PARD3B: variants seen among roughly 807,000 people sequenced by gnomAD.
PARD3B encodes partitioning defective 3 homolog B.
In PARD3B, 103 loss-of-function variants were observed where a neutral mutation model predicts 130.2. The observed-to-expected ratio is 0.79, with a 90% CI of 0.67 to 0.93. The LOEUF is 0.93. PARD3B is among the 40% of genes least tolerant of loss of function. PARD3B has a pLI of 0.00. For synonymous variants in PARD3B, 583 were observed against 553.2 expected, an observed-to-expected ratio of 1.05 and a Z score of -0.76; for missense variants, 1,609 against 1,499.2, an observed-to-expected ratio of 1.07 and a Z score of -1.21.
intron 2 of PARD3B, among the ~76,000 whole-genome samples, chr2:204,705,774 C>T (rs994143382): frequency 6.6e-6 from 1 of 152,104 alleles, no homozygotes; most frequent in African/African-American, 2.4e-5. Flanking sequence ...AACAAGCAGT[C>T]CAAAGCAGTG....
In PARD3B at chr2:205,087,223, T is replaced by C. The variant is rs1274753669; in HGVS notation, c.505-17203T>C. Among the ~76,000 whole-genome samples, 3 of 152,182 alleles carry C rather than the reference T, an allele frequency of 2.0e-5. No individual in the cohort carries two copies. The East Asian group carries it at 5.8e-4, about 29-fold the overall frequency. Reference sequence around the variant, plus strand: ...TAGTTTGGGAAATAAAGTTGTGAACTCCCCATTTGGTTTCTTTCAAGTTTT... The same window carrying C: ...TAGTTTGGGAAATAAAGTTGTGAACCCCCCATTTGGTTTCTTTCAAGTTTT... On this transcript the variant is annotated intron_variant, in intron 4 of 22. Coordinates refer to ENST00000406610, the MANE Select transcript of PARD3B (RefSeq NM_001302769.2).
intron 3 of PARD3B, among the ~76,000 whole-genome samples, chr2:205,036,870 A>C (rs1340546129): frequency 6.6e-6 from 1 of 151,574 alleles, no homozygotes; most frequent in East Asian, 1.9e-4. Context: ...ATATGTAAAG[A>C]ACATATGTAG....
chr2:204,999,176 T>C (rs1313650486), intron 3 of PARD3B, among the ~76,000 whole-genome samples: 1 of 152,092 alleles, frequency 6.6e-6, no homozygotes. Context: ...TAATTTCCAA[T>C]TGTTGAACTG....
At chr2:205,396,815 C>A (rs1382110799) in intron 18 of PARD3B, among the ~76,000 whole-genome samples, 1 of 152,176 alleles carries the variant, frequency 6.6e-6, no homozygotes, top group Non-Finnish European at 1.5e-5. Context: ...ATTTGAAACT[C>A]TAGAATATAA....
intron 14 of PARD3B, among the ~76,000 whole-genome samples, chr2:205,191,447 G>C (rs1313523998): frequency 1.3e-5 from 2 of 152,054 alleles, no homozygotes; most frequent in Non-Finnish European, 2.9e-5. Context: ...AAGAGAAAAG[G>C]GCTCCTAGTC....
rs182647394 is a variant in PARD3B at position 205,279,120 on chromosome 2, T to C, written c.2186-21410T>C. ...AACAGTTGTTCATTGCCCAATCTCTTTAATTATTATACTAAATTTTCCCCC... is the reference window on the plus strand; with the variant it reads ...AACAGTTGTTCATTGCCCAATCTCTCTAATTATTATACTAAATTTTCCCCC... On this transcript the variant is annotated intron_variant, in intron 16 of 22. Coordinates refer to ENST00000406610, the MANE Select transcript of PARD3B (RefSeq NM_001302769.2). Among the ~76,000 whole-genome samples the C allele has an allele frequency of 3.3e-3, 491 of 148,834 alleles. 1 individual carries two copies. The highest frequency in any genetic ancestry group is 5.3e-3 in the Non-Finnish European group (354 of 67,162).
intron 1 of PARD3B, among the ~76,000 whole-genome samples, chr2:204,597,752 G>C (rs930289235): frequency 6.6e-6 from 1 of 152,158 alleles, no homozygotes; most frequent in Non-Finnish European, 1.5e-5. Context: ...TGAATGAATG[G>C]AAATACTCCA....
intron 1 of PARD3B, among the ~76,000 whole-genome samples, chr2:204,583,750 A>G (rs1201030468): frequency 1.3e-5 from 2 of 152,162 alleles, no homozygotes; most frequent in East Asian, 1.9e-4. Context: ...CTGGCCCACT[A>G]CAGACCCACA....
At chr2:205,051,476 T>A (rs1376043411) in intron 4 of PARD3B, among the ~76,000 whole-genome samples, 1 of 152,188 alleles carries the variant, frequency 6.6e-6, no homozygotes, top group Non-Finnish European at 1.5e-5. Context: ...GAAATGAAAC[T>A]TACTTATAAC....
chr2:204,785,340 C>A (rs1030803497), intron 2 of PARD3B, among the ~76,000 whole-genome samples: 2 of 152,102 alleles, frequency 1.3e-5, no homozygotes, highest in African/African-American at 2.4e-5. Flanking sequence ...CTCTAACATA[C>A]TTTTCCCCCA....
At chr2:205,542,880 CTG>C (rs1310994656) in intron 21 of PARD3B, among the ~76,000 whole-genome samples, 3 of 152,132 alleles carry the variant, frequency 2.0e-5, no homozygotes, top group African/African-American at 7.2e-5. Flanking sequence ...AAAGCCAGGA[CTG>C]TGTAAACAAA....
At chr2:205,485,045 C>T (rs1336238594) in intron 20 of PARD3B, among the ~76,000 whole-genome samples, 1 of 152,196 alleles carries the variant, frequency 6.6e-6, no homozygotes, top group African/African-American at 2.4e-5. Flanking sequence ...GGCAGATACT[C>T]AGGCATTGCC....
chr2:205,385,967 A>AT (rs983557779), intron 18 of PARD3B, among the ~76,000 whole-genome samples: 1 of 152,142 alleles, frequency 6.6e-6, no homozygotes, highest in African/African-American at 2.4e-5. Context: ...CACTAAACAA[A>AT]TTTTTAATTT....
chr2:205,448,590 C>T (rs890908758), intron 20 of PARD3B, among the ~76,000 whole-genome samples: 2 of 152,112 alleles, frequency 1.3e-5, no homozygotes, highest in Non-Finnish European at 2.9e-5. Context: ...TTTTGTACTC[C>T]AATGTATTTG....
chr2:204,939,740 A>T (rs777464772), intron 2 of PARD3B, among the ~76,000 whole-genome samples: 1 of 152,232 alleles, frequency 6.6e-6, no homozygotes, highest in Non-Finnish European at 1.5e-5. Flanking sequence ...AGTGAGTTTT[A>T]TAAACAGGGC....
intron 15 of PARD3B, among the ~76,000 whole-genome samples, chr2:205,235,235 A>G (rs1055870577): frequency 2.0e-5 from 3 of 152,148 alleles, no homozygotes; most frequent in Admixed American, 6.5e-5. Flanking sequence ...AGCCTGGGCA[A>G]CATGACTAGA....
chr2:204,880,043 A>G (rs2045980963), intron 2 of PARD3B, among the ~76,000 whole-genome samples: 1 of 152,206 alleles, frequency 6.6e-6, no homozygotes, highest in African/African-American at 2.4e-5. Context: ...TTGATCAGAC[A>G]TAATGTAACT....
rs773329284 is a variant in PARD3B, at chr2:204,577,288, C to G, written c.120+31169C>G. ...TAATATGTGCCAGGCACTTTCTAAA[C>G]ACTTTGCATATGTTAATCTATTTAA... On this transcript the variant is annotated intron_variant, in intron 1 of 22. Coordinates refer to ENST00000406610, the MANE Select transcript of PARD3B (RefSeq NM_001302769.2). 4.9e-4 allele frequency among the ~76,000 whole-genome samples: 75 copies of G among 152,294 alleles called. 1 individual carries two copies. Among genetic ancestry groups the G allele is most frequent in the Middle Eastern group, 3.4e-3 (1 of 294 alleles).
intron 20 of PARD3B, among the ~76,000 whole-genome samples, chr2:205,452,406 T>C (rs533802429): frequency 4.4e-4 from 67 of 152,260 alleles, no homozygotes; most frequent in Non-Finnish European, 7.2e-4. Context: ...TACTTAGAGA[T>C]TTGTTTTTAG....
Sources: gnomAD v4.1 joint callset for allele counts (sites outside exome capture counted in the v4.1 genomes callset) on GRCh38, gnomAD v4.1.1 for gene constraint, MANE v1.5 for transcripts, NCBI Gene and HGNC (gene_info 2026-07-23, HGNC 2026-07-21) for gene names.